The following RBM20 variants were observed in gnomAD, a reference collection of about 807,000 sequenced individuals.
The protein encoded by RBM20 is RNA-binding protein 20.
A neutral mutation model predicts 110.1 loss-of-function variants in RBM20; 51 were observed. The ratio of observed to expected loss-of-function variants is 0.46; its 90% confidence interval spans 0.37 to 0.59. RBM20 has a LOEUF of 0.59. Among genes scored for constraint, RBM20 ranks in the 20% least tolerant of loss-of-function variants. The probability of loss-of-function intolerance (pLI) is 0.00; values close to 1 mark genes in which losing one functional copy is unlikely to be tolerated. For missense variants in RBM20, 1,512 were observed against 1,574.9 expected, an observed-to-expected ratio of 0.96 and a Z score of 0.68; for synonymous variants, 589 against 618.2, an observed-to-expected ratio of 0.95 and a Z score of 0.70.
intron 1 of RBM20, among the ~76,000 whole-genome samples, chr10:110,703,218 A>G (rs1862785506): frequency 1.3e-5 from 2 of 151,824 alleles, no homozygotes; most frequent in Non-Finnish European, 2.9e-5. Context: ...CTCTACTAAA[A>G]ATACAAAAAA....
chr10:110,676,124 A>G (rs1379351343), intron 1 of RBM20, among the ~76,000 whole-genome samples: 1 of 152,238 alleles, frequency 6.6e-6, no homozygotes, highest in Non-Finnish European at 1.5e-5. Flanking sequence ...GCTTTGCTCC[A>G]AGAACTGACT....
chr10:110,782,775 T>C (rs972794035), intron 2 of RBM20, among the ~76,000 whole-genome samples: 8 of 147,750 alleles, frequency 5.4e-5, no homozygotes, highest in African/African-American at 2.5e-5. Context: ...TCCAAAAGCA[T>C]AATAATGTCC....
In RBM20 at chr10:110,819,269, A is replaced by G. The variant is rs759166369; in HGVS notation, c.2551-803A>G. Among the ~76,000 whole-genome samples the G allele has an allele frequency of 2.0e-5, 3 of 152,370 alleles. No homozygotes were observed. In the East Asian group the frequency reaches 5.8e-4, roughly 29 times the overall value. ...GACTAGATAGTAAATATTTTAGCCT[A>G]TGTGGGCCAAGGGGCAAAATTGAGG... On this transcript the variant is annotated intron_variant, in intron 9 of 13. Transcript: ENST00000369519.
chr10:110,747,176 C>T (rs1284943871), intron 1 of RBM20, among the ~76,000 whole-genome samples: 1 of 151,904 alleles, frequency 6.6e-6, no homozygotes. Flanking sequence ...ATAAGTATTT[C>T]AGAATAGAAA....
chr10:110,682,240 G>A (rs534496795), intron 1 of RBM20, among the ~76,000 whole-genome samples: 1 of 152,220 alleles, frequency 6.6e-6, no homozygotes, highest in South Asian at 2.1e-4. Flanking sequence ...GATCCCACCT[G>A]GCATTCGTTG....
chr10:110,703,305 G>A (rs1038412110), intron 1 of RBM20, among the ~76,000 whole-genome samples: 3 of 151,694 alleles, frequency 2.0e-5, no homozygotes, highest in African/African-American at 4.8e-5. Flanking sequence ...TTGACCCCAG[G>A]AGGCGGAGGT....
chr10:110,763,546 T>C (rs1229046700), intron 1 of RBM20, among the ~76,000 whole-genome samples: 1 of 152,158 alleles, frequency 6.6e-6, no homozygotes, highest in Non-Finnish European at 1.5e-5. Flanking sequence ...TGACAACAGA[T>C]TTTGATTTTA....
chr10:110,649,010 C>T (rs1300898380), intron 1 of RBM20, among the ~76,000 whole-genome samples: 1 of 152,106 alleles, frequency 6.6e-6, no homozygotes, highest in East Asian at 1.9e-4. Context: ...AGAATTTGAT[C>T]ACCCTTTTTA....
chr10:110,771,228 C>T (rs557620371), intron 1 of RBM20, among the ~76,000 whole-genome samples: 100 of 152,040 alleles, frequency 6.6e-4, no homozygotes, highest in African/African-American at 2.2e-3. Flanking sequence ...GTGATCTCAG[C>T]GATTCTCCTG....
intron 9 of RBM20, among the ~76,000 whole-genome samples, chr10:110,818,240 G>A (rs1844864790): frequency 2.2e-5 from 3 of 136,018 alleles, no homozygotes; most frequent in African/African-American, 2.6e-5. Flanking sequence ...GCGGTGAGCC[G>A]AGATCATGCC....
intron 12 of RBM20, among the ~76,000 whole-genome samples, chr10:110,823,830 A>C (rs1349709374): frequency 1.3e-5 from 2 of 151,152 alleles, no homozygotes; most frequent in Admixed American, 6.6e-5. Flanking sequence ...TGATCCTCCC[A>C]CCTCAGCCTC....
rs201149204 is a variant in RBM20, at chr10:110,823,431, CTTT to C, written c.3317-24_3317-22del. 1,380 of 1,302,234 alleles carry C rather than the reference CTTT, an allele frequency of 1.1e-3. 2 individuals are homozygous for C. The African/African-American group carries it at 0.021, about 20-fold the overall frequency. The allele number at this position is 1,302,234 out of a possible 1,614,324, so 80.7% of individuals were successfully genotyped here. On this transcript the variant is annotated intron_variant, in intron 11 of 13. Coordinates refer to ENST00000369519, the MANE Select transcript of RBM20 (RefSeq NM_001134363.3). ...GGACTCTTTGAGGCATGTTGTATTT[CTTT>C]TTTTTTTTTTTTTTTTTTTTTTTTG...
chr10:110,784,540 G>A (rs1178712417), intron 4 of RBM20, 108 bp downstream of exon 4: 19 of 868,656 alleles, frequency 2.2e-5, no homozygotes, highest in East Asian at 1.9e-4. Flanking sequence ...CCCTTCTCAC[G>A]GATGTAGAAA....
chr10:110,723,213 A>T (rs2134936075), intron 1 of RBM20, among the ~76,000 whole-genome samples: 1 of 152,300 alleles, frequency 6.6e-6, no homozygotes, highest in South Asian at 2.1e-4. Flanking sequence ...CATATCATGA[A>T]ATTCACCATT....
chr10:110,644,523 C>T lies in RBM20; in HGVS notation c.69C>T (p.Ala23=), dbSNP rs1861838185. Residue 23 remains alanine (A), a synonymous_variant, in exon 1 of 14, where the codon GCC becomes GCT. Coordinates refer to ENST00000369519, the MANE Select transcript of RBM20 (RefSeq NM_001134363.3). The surrounding 1 kb of genome is among the most constrained non-coding windows in gnomAD (Gnocchi z 4.3). ...PSGPEQPDRV[A]CSVPGARASP... is the part of the protein sequence containing the mutation. Reference sequence around the variant, plus strand: ...GTCCGGAGCAGCCGGACAGAGTTGCCTGCAGTGTGCCTGGTGCCCGGGCGT... The same window carrying T: ...GTCCGGAGCAGCCGGACAGAGTTGCTTGCAGTGTGCCTGGTGCCCGGGCGT... 6.5e-7 allele frequency: 1 copy of T among 1,529,728 alleles called. No homozygotes were observed. The allele number at this position is 1,529,728 out of a possible 1,614,324, so 94.8% of individuals were successfully genotyped here.
In RBM20 at chr10:110,835,972, G is replaced by C. The variant is rs1443275509; in HGVS notation, c.3678G>C (p.Lys1226Asn). Residue 1226 changes from lysine (K) to asparagine (N), a missense_variant, in exon 14 of 14, where the codon AAG (lysine) becomes AAC (asparagine). This residue lies in a region of RBM20 where 358 missense variants were observed against 384.2 expected (regional missense o/e 0.93). Coordinates refer to ENST00000369519, the MANE Select transcript of RBM20 (RefSeq NM_001134363.3). Reference protein sequence around the residue: ...SGIVPRFERKKL With the variant: ...SGIVPRFERKNL Reference sequence around the variant, plus strand: ...TCGTGCCACGCTTCGAAAGGAAAAAGCTCTGATGCTTCTGCTTCTGCTGCT... The same window carrying C: ...TCGTGCCACGCTTCGAAAGGAAAAACCTCTGATGCTTCTGCTTCTGCTGCT... The C allele has an allele frequency of 8.7e-7, 1 of 1,155,932 alleles. No individual in the cohort carries two copies. Among genetic ancestry groups the C allele is most frequent in the Admixed American group, 2.1e-5 (1 of 46,862 alleles). The allele number at this position is 1,155,932 out of a possible 1,614,324, so 71.6% of individuals were successfully genotyped here.
At chr10:110,801,253 C>T (rs186170130) in intron 7 of RBM20, among the ~76,000 whole-genome samples, 248 of 152,014 alleles carry the variant, frequency 1.6e-3, no homozygotes, top group Middle Eastern at 6.8e-3. Context: ...ATGGTGAAAC[C>T]CCGTCTCTAC....
At chr10:110,796,765 T>C (rs573458393) in intron 5 of RBM20, among the ~76,000 whole-genome samples, 2 of 152,176 alleles carry the variant, frequency 1.3e-5, no homozygotes, top group South Asian at 2.1e-4. Flanking sequence ...TAAAAAAAAT[T>C]ATTCTATATC....
At chr10:110,729,387 C>G (rs1486204935) in intron 1 of RBM20, among the ~76,000 whole-genome samples, 1 of 152,194 alleles carries the variant, frequency 6.6e-6, no homozygotes, top group East Asian at 1.9e-4. Context: ...ACCTAGTAAA[C>G]CTTGCACTTT....
Sources: allele counts gnomAD v4.1 joint callset (sites outside exome capture counted in the v4.1 genomes callset), GRCh38; gene constraint gnomAD v4.1.1; regional missense constraint gnomAD v4.1.1; non-coding constraint Gnocchi (gnomAD v3.1); transcripts MANE v1.5; gene names NCBI Gene and HGNC (gene_info 2026-07-23, HGNC 2026-07-21).